KDM4C: variants seen among roughly 807,000 people sequenced by gnomAD.
KDM4C encodes lysine-specific demethylase 4C.
Under a neutral mutation model 129.3 loss-of-function variants are expected in KDM4C, and 81 were observed. That is an observed-to-expected ratio of 0.63 (90% confidence interval 0.52 to 0.75). KDM4C has a LOEUF of 0.75. Among genes scored for constraint, KDM4C ranks in the 30% least tolerant of loss-of-function variants. The pLI is 0.00. For missense variants in KDM4C, 1,457 were observed against 1,304.0 expected, an observed-to-expected ratio of 1.12 and a Z score of -1.81; for synonymous variants, 573 against 456.1, an observed-to-expected ratio of 1.26 and a Z score of -3.26.
chr9:7,169,856 A>G lies in KDM4C; in HGVS notation c.2960A>G (p.Asp987Gly), dbSNP rs1226068734. The G allele has an allele frequency of 6.2e-7, 1 of 1,614,050 alleles. No homozygotes were observed. The highest frequency in any genetic ancestry group is 8.5e-7 in the Non-Finnish European group (1 of 1,179,908). The change falls in exon 21 of 22, where the codon GAT (aspartate) becomes GGT (glycine). Residue 987 changes from aspartate (D) to glycine (G), a missense_variant. Transcript: ENST00000381309. ...AMKREDIYTL[D>G]EELPKRVKAR... ...AAGAGAGAGGACATCTACACTTTAG[A>G]TGAAGAGTTACCCAAGAGAGTGAAA... is the stretch of plus-strand genomic sequence containing the variant.
chr9:6,744,932 A>G (rs1418762301), intron 1 of KDM4C, among the ~76,000 whole-genome samples: 1 of 152,158 alleles, frequency 6.6e-6, no homozygotes, highest in Non-Finnish European at 1.5e-5. Flanking sequence ...ACATGCCTCC[A>G]GCAGATATAT....
At chr9:6,943,053 G>C (rs1826250328) in intron 8 of KDM4C, among the ~76,000 whole-genome samples, 1 of 151,910 alleles carries the variant, frequency 6.6e-6, no homozygotes, top group Admixed American at 6.6e-5. Flanking sequence ...GTTTTTTGTA[G>C]AGACGAGGTC....
chr9:7,023,782 C>G (rs1001061201), intron 15 of KDM4C, among the ~76,000 whole-genome samples: 1 of 151,978 alleles, frequency 6.6e-6, no homozygotes, highest in Non-Finnish European at 1.5e-5. Context: ...GTAAACATTC[C>G]TCTTAGTATT....
intron 1 of KDM4C, among the ~76,000 whole-genome samples, chr9:6,730,614 C>CAAAA (rs36043237): frequency 9.1e-6 from 1 of 109,600 alleles, no homozygotes; most frequent in Admixed American, 9.5e-5. Flanking sequence ...GACTCTGTCT[C>CAAAA]AAAAAAAAAA....
intron 17 of KDM4C, among the ~76,000 whole-genome samples, chr9:7,071,135 C>T (rs1243864743): frequency 2.6e-5 from 4 of 152,120 alleles, no homozygotes; most frequent in Admixed American, 6.5e-5. Flanking sequence ...ATGTTGAAAA[C>T]TATAAAACGC....
chr9:7,103,998 G>C, intron 18 of KDM4C, 128 bp downstream of exon 18: 1 of 826,656 alleles, frequency 1.2e-6, no homozygotes, highest in Non-Finnish European at 1.9e-6. Flanking sequence ...TAGACCGTGA[G>C]TTCCTTGAGG....
At chr9:7,147,266 G>A (rs191631903) in intron 19 of KDM4C, among the ~76,000 whole-genome samples, 136 of 152,284 alleles carry the variant, frequency 8.9e-4, no homozygotes, top group African/African-American at 3.0e-3. Context: ...AGTGTGAAGC[G>A]TCCTGGGTAG....
intron 4 of KDM4C, among the ~76,000 whole-genome samples, chr9:6,845,626 T>A (rs1837724345): frequency 6.6e-6 from 1 of 152,118 alleles, no homozygotes; most frequent in South Asian, 2.1e-4. Flanking sequence ...GCAAAAATCG[T>A]GGTCCAATTG....
At chr9:7,065,633 A>G (rs1371040229) in intron 17 of KDM4C, among the ~76,000 whole-genome samples, 2 of 152,210 alleles carry the variant, frequency 1.3e-5, no homozygotes, top group Non-Finnish European at 2.9e-5. Flanking sequence ...TCTGATTTTT[A>G]CAATGATGAA....
intron 8 of KDM4C, among the ~76,000 whole-genome samples, chr9:6,962,234 A>G (rs1830163473): frequency 6.6e-6 from 1 of 152,260 alleles, no homozygotes; most frequent in African/African-American, 2.4e-5. Flanking sequence ...AACACACAGC[A>G]TACATTATAG....
intron 18 of KDM4C, among the ~76,000 whole-genome samples, chr9:7,119,466 CAT>C (rs1839266178): frequency 6.6e-6 from 1 of 152,020 alleles, no homozygotes; most frequent in Non-Finnish European, 1.5e-5. Flanking sequence ...CAATGGAAAT[CAT>C]ATTACCATTT....
At chr9:6,855,458 CAAAAAAAAA>C (rs34177301) in intron 5 of KDM4C, among the ~76,000 whole-genome samples, 110 of 70,078 alleles carry the variant, frequency 1.6e-3, no homozygotes, top group East Asian at 5.8e-3. Flanking sequence ...GACTCCGTCT[CAAAAAAAAA>C]AAAAAAAAAA....
In KDM4C at chr9:7,013,984, G is replaced by A. The variant is rs772597775; in HGVS notation, c.2165G>A (p.Cys722Tyr). Residue 722 changes from cysteine to tyrosine, a missense_variant, in exon 14 of 22, where the codon TGC becomes TAC. By Grantham distance (194) the Cys-to-Tyr change is radical (BLOSUM62 -2). Transcript: ENST00000381309. ...TSLLISCAKC[C>Y]VRVHASCYGI... ...CTCCTTATTTCCTGTGCAAAGTGCT[G>A]CGTACGGGTTCATGCAAGTAAATGG... 1.8e-5 allele frequency: 29 copies of A among 1,613,496 alleles called. No homozygotes were observed. Among genetic ancestry groups the A allele is most frequent in the Non-Finnish European group, 2.5e-5 (29 of 1,179,644 alleles).
At chr9:6,843,818 G>C (rs11792748) in intron 4 of KDM4C, among the ~76,000 whole-genome samples, 11,436 of 152,082 alleles carry the variant, frequency 0.075, 611 homozygotes, top group Non-Finnish European at 0.11. Flanking sequence ...TCTATTTTTT[G>C]TCTAAAAAAA....
intron 4 of KDM4C, among the ~76,000 whole-genome samples, chr9:6,823,155 C>T (rs754312632): frequency 1.3e-5 from 2 of 152,154 alleles, no homozygotes; most frequent in Non-Finnish European, 2.9e-5. Flanking sequence ...GTATTCAAGT[C>T]GTCTTTGCAA....
chr9:7,027,275 A>G (rs994306359), intron 15 of KDM4C, among the ~76,000 whole-genome samples: 11 of 152,230 alleles, frequency 7.2e-5, no homozygotes, highest in Admixed American at 2.6e-4. Flanking sequence ...ATTGTGATCT[A>G]AGCTGTATCT....
chr9:6,826,796 G>C (rs111872398), intron 4 of KDM4C, among the ~76,000 whole-genome samples: 6,547 of 151,914 alleles, frequency 0.043, 482 homozygotes, highest in African/African-American at 0.15. Context: ...GAACCTGGGA[G>C]GTAGAGGTTG....
At chr9:6,743,776 G>T (rs898243267) in intron 1 of KDM4C, among the ~76,000 whole-genome samples, 3 of 152,004 alleles carry the variant, frequency 2.0e-5, no homozygotes, top group African/African-American at 4.8e-5. Flanking sequence ...CAAAGTGCTG[G>T]GATAACAGGC....
chr9:6,856,584 T>A (rs570706670), intron 5 of KDM4C, among the ~76,000 whole-genome samples: 80 of 103,526 alleles, frequency 7.7e-4, no homozygotes, highest in Middle Eastern at 4.6e-3. Context: ...GTGTGTGTAT[T>A]TTTTTTTGAG....
Sources: allele counts gnomAD v4.1 joint callset (sites outside exome capture counted in the v4.1 genomes callset), GRCh38; gene constraint gnomAD v4.1.1; transcripts MANE v1.5; gene names NCBI Gene and HGNC (gene_info 2026-07-23, HGNC 2026-07-21).